Variants in C14orf39 observed in about 807,000 individuals in gnomAD.
C14orf39 encodes protein SIX6OS1.
Under a neutral mutation model 85.6 loss-of-function variants are expected in C14orf39, and 66 were observed. That is an observed-to-expected ratio of 0.77 (90% confidence interval 0.63 to 0.95). C14orf39 has a LOEUF of 0.95. C14orf39 is among the 40% of genes least tolerant of loss of function. The pLI is 0.00. For synonymous variants in C14orf39, 242 were observed against 214.0 expected, an observed-to-expected ratio of 1.13 and a Z score of -1.14; for missense variants, 735 against 663.9, an observed-to-expected ratio of 1.11 and a Z score of -1.18.
chr14:60,510,956 C>T (rs1893282062), intron 1 of C14orf39: 1 of 955,224 alleles, frequency 1.0e-6, no homozygotes, highest in South Asian at 1.6e-5. Context: ...GAGTAATCCT[C>T]GCCTTAACTG....
At chr14:60,445,975 C>T (rs1890745438) in intron 16 of C14orf39, among the ~76,000 whole-genome samples, 1 of 151,914 alleles carries the variant, frequency 6.6e-6, no homozygotes, top group South Asian at 2.1e-4. Flanking sequence ...GGATAAATAA[C>T]AAAATGAAGG....
chr14:60,509,035 G>C (rs1407359907), intron 1 of C14orf39: 2 of 301,532 alleles, frequency 6.6e-6, no homozygotes, highest in African/African-American at 2.3e-5. Flanking sequence ...TGTCGAGCAC[G>C]GGGAGGTGCT....
At chr14:60,511,044 T>C (rs769843077) in intron 1 of C14orf39, 1 of 1,602,442 alleles carries the variant, frequency 6.2e-7, no homozygotes, top group Non-Finnish European at 8.5e-7. Flanking sequence ...CGGGCGGCTG[T>C]GTTACGAGCT....
intron 2 of C14orf39, among the ~76,000 whole-genome samples, chr14:60,498,207 C>T (rs879682621): frequency 9.9e-5 from 15 of 152,114 alleles, no homozygotes; most frequent in Non-Finnish European, 2.1e-4. Flanking sequence ...TTTCTAATTG[C>T]ACTTCTATAT....
chr14:60,468,373 G>T, intron 9 of C14orf39, 72 bp downstream of exon 9: 1 of 842,340 alleles, frequency 1.2e-6, no homozygotes, highest in Non-Finnish European at 1.8e-6. Context: ...GGTTTGGGAT[G>T]GAATATAGAA....
intron 5 of C14orf39, among the ~76,000 whole-genome samples, chr14:60,472,239 CTCT>C (rs1892121663): frequency 2.9e-5 from 1 of 34,616 alleles, no homozygotes; most frequent in African/African-American, 6.0e-5. Context: ...TGTATTAGAA[CTCT>C]TGTGTTCACC....
intron 1 of C14orf39, among the ~76,000 whole-genome samples, chr14:60,485,475 C>A (rs768239893): frequency 6.6e-6 from 1 of 152,232 alleles, no homozygotes; most frequent in Non-Finnish European, 1.5e-5. Flanking sequence ...GTGTGTACAA[C>A]CACGTGTAGC....
At chr14:60,470,536 G>T (rs1892027609) in intron 7 of C14orf39, among the ~76,000 whole-genome samples, 1 of 151,804 alleles carries the variant, frequency 6.6e-6, no homozygotes, top group Admixed American at 6.6e-5. Flanking sequence ...CTTCCTGTTT[G>T]TCATGCAACC....
intron 11 of C14orf39, among the ~76,000 whole-genome samples, chr14:60,462,799 A>G (rs1490655981): frequency 2.0e-5 from 3 of 151,938 alleles, no homozygotes; most frequent in Non-Finnish European, 4.4e-5. Context: ...TTATTTATTT[A>G]TTTATTAGCT....
chr14:60,501,930 A>G (rs1893155096), intron 1 of C14orf39, among the ~76,000 whole-genome samples: 1 of 152,220 alleles, frequency 6.6e-6, no homozygotes, highest in South Asian at 2.1e-4. Flanking sequence ...TGTGCAAGGA[A>G]CAGTCATTCA....
At chr14:60,512,334 A>G (rs1261484292) in intron 1 of C14orf39, 1 of 152,210 alleles carries the variant, frequency 6.6e-6, no homozygotes, top group Non-Finnish European at 1.5e-5. Context: ...CCTCCAATAC[A>G]AAAGCAGCAG....
In C14orf39 at chr14:60,483,803, T is replaced by C. The variant is rs1434083828; in HGVS notation, c.121A>G (p.Ile41Val). 6.6e-6 allele frequency: 10 copies of C among 1,511,346 alleles called. No homozygotes were observed. The highest frequency in any genetic ancestry group is 9.1e-6 in the Non-Finnish European group (10 of 1,094,888). The allele number at this position is 1,511,346 out of a possible 1,614,324, so 93.6% of individuals were successfully genotyped here. ...CAAATAGTTACTTTGTTTTCCTTAA[T>C]ATCTTCACAGCATTCTACAAAGAGA... ...IQRINKCCED[I>V]KENKVTICRI... Residue 41 changes from isoleucine to valine, a missense_variant, in exon 4 of 18, where the codon ATT (isoleucine) becomes GTT (valine). Transcript: ENST00000321731.
At chr14:60,437,989 T>C (rs1001784802) in intron 17 of C14orf39, among the ~76,000 whole-genome samples, 2 of 151,660 alleles carry the variant, frequency 1.3e-5, no homozygotes, top group Admixed American at 1.3e-4. Flanking sequence ...ATCCTAATTC[T>C]AATTTAAAAT....
chr14:60,447,644 A>G (rs1326185236), intron 16 of C14orf39, among the ~76,000 whole-genome samples: 2 of 152,232 alleles, frequency 1.3e-5, no homozygotes, highest in African/African-American at 2.4e-5. Context: ...ATCCAATGCT[A>G]TCCCCATCAA....
chr14:60,436,557 T>G lies in C14orf39; in HGVS notation c.*288A>C, dbSNP rs1038856686. ...GTTCCAAGGAGAAGCAGGCTTAATA[T>G]TTAAATAAAGAGTAATGAAAAAAGC... On this transcript the variant is annotated 3_prime_UTR_variant, in exon 18 of 18. Transcript: ENST00000321731. 5.0e-6 allele frequency: 1 copy of G among 199,626 alleles called. No individual in the cohort carries two copies. Among genetic ancestry groups the G allele is most frequent in the Non-Finnish European group, 9.9e-6 (1 of 100,852 alleles). The allele number at this position is 199,626 out of a possible 1,614,324, so 12.4% of individuals were successfully genotyped here.
chr14:60,459,260 CACAAT>C (rs953138497), intron 13 of C14orf39, among the ~76,000 whole-genome samples: 7 of 151,744 alleles, frequency 4.6e-5, no homozygotes, highest in African/African-American at 9.7e-5. Context: ...ATTGCACAAA[CACAAT>C]ACATCTATCC....
intron 2 of C14orf39, chr14:60,496,885 T>C (rs1424781270): frequency 6.6e-6 from 1 of 152,396 alleles, no homozygotes; most frequent in East Asian, 1.9e-4. Flanking sequence ...TTCAACAACA[T>C]GGTGCAAGCA....
chr14:60,469,437 G>T (rs1319795366), intron 8 of C14orf39, 96 bp downstream of exon 8: 2 of 415,050 alleles, frequency 4.8e-6, no homozygotes, highest in Non-Finnish European at 8.1e-6. Flanking sequence ...TCCACATTAG[G>T]CTCTCTTAAA....
Position 60,459,840 on chromosome 14 carries a change from T to G in C14orf39, c.1118-1101A>C, listed in dbSNP as rs79005282. Among the ~76,000 whole-genome samples, 580 of 151,912 alleles carry G rather than the reference T, an allele frequency of 3.8e-3. 35 individuals carry two copies. In the East Asian group the frequency reaches 0.098, roughly 26 times the overall value. On this transcript the variant is annotated intron_variant, in intron 13 of 17. Transcript: ENST00000321731. ...TTTTTTGTTCTTCATTTGTAGAAGTTCTTTACACATTTTGGAAACTACTCT... is the reference window on the plus strand; with the variant it reads ...TTTTTTGTTCTTCATTTGTAGAAGTGCTTTACACATTTTGGAAACTACTCT...
Sources: gnomAD v4.1 joint callset for allele counts (sites outside exome capture counted in the v4.1 genomes callset) on GRCh38, gnomAD v4.1.1 for gene constraint, MANE v1.5 for transcripts, NCBI Gene and HGNC (gene_info 2026-07-23, HGNC 2026-07-21) for gene names.